Variants in WWOX observed in about 807,000 individuals in gnomAD.
WWOX encodes the protein WW domain containing oxidoreductase.
A neutral mutation model predicts 46.2 loss-of-function variants in WWOX; 69 were observed. That is an observed-to-expected ratio of 1.49 (90% CI 1.23 to 1.82). The LOEUF (loss-of-function observed/expected upper bound fraction) is 1.82. WWOX is among the 40% of genes most tolerant of loss of function. WWOX has a pLI of 0.00. For synonymous variants in WWOX, 359 were observed against 202.6 expected (o/e 1.77, Z -6.56); for missense variants, 919 against 542.6 (o/e 1.69, Z -6.89).
chr16:78,766,998 T>G (rs1463429959), intron 8 of WWOX, among the ~76,000 whole-genome samples: 2 of 152,168 alleles, frequency 1.3e-5, no homozygotes, highest in African/African-American at 4.8e-5. Context: ...TCTATGAAAT[T>G]GTTTTCAAGG....
chr16:78,873,405 C>G (rs948890947), intron 8 of WWOX: 1 of 151,910 alleles, frequency 6.6e-6, no homozygotes, highest in East Asian at 1.9e-4. Flanking sequence ...AATAGCAGCA[C>G]AAATATTTAC....
At chr16:78,335,560 T>G (rs1597499271) in intron 5 of WWOX, among the ~76,000 whole-genome samples, 2 of 152,208 alleles carry the variant, frequency 1.3e-5, no homozygotes, top group East Asian at 3.8e-4. Context: ...TCCTTGCTAT[T>G]GTGAAATACC....
chr16:79,159,671 C>A (rs942749182), intron 8 of WWOX, among the ~76,000 whole-genome samples: 1 of 152,164 alleles, frequency 6.6e-6, no homozygotes, highest in South Asian at 2.1e-4. Context: ...TCATATTTAA[C>A]AAGCCACTGA....
intron 8 of WWOX, among the ~76,000 whole-genome samples, chr16:79,098,580 C>G (rs2049124227): frequency 6.6e-6 from 1 of 152,226 alleles, no homozygotes; most frequent in South Asian, 2.1e-4. Flanking sequence ...GTTGAGCAAA[C>G]TTCCCTTGTA....
intron 5 of WWOX, among the ~76,000 whole-genome samples, chr16:78,365,243 T>G (rs4888787): frequency 0.6 from 91,077 of 152,072 alleles, 28,695 homozygotes; most frequent in Non-Finnish European, 0.71. Context: ...CTTCTGACAT[T>G]ATCAGTGTGA....
chr16:78,197,898 C>T (rs967651212), intron 5 of WWOX, among the ~76,000 whole-genome samples: 5 of 152,178 alleles, frequency 3.3e-5, no homozygotes, highest in African/African-American at 1.2e-4. Flanking sequence ...TGGAAACTGA[C>T]TAGGTCACAT....
intron 8 of WWOX, among the ~76,000 whole-genome samples, chr16:78,572,205 G>C (rs947095561): frequency 2.0e-5 from 3 of 152,098 alleles, no homozygotes; most frequent in Admixed American, 1.3e-4. Context: ...GAAATTAATG[G>C]TGGCACATTC....
At chr16:78,781,380 G>A (rs1424044676) in intron 8 of WWOX, among the ~76,000 whole-genome samples, 2 of 152,100 alleles carry the variant, frequency 1.3e-5, no homozygotes, top group Non-Finnish European at 2.9e-5. Flanking sequence ...ATCCACCACT[G>A]GTATTCCGTC....
At chr16:78,386,735 C>A in intron 5 of WWOX, 125 bp from the exon 6 acceptor site, 1 of 741,784 alleles carries the variant, frequency 1.3e-6, no homozygotes, top group Non-Finnish European at 2.2e-6. Flanking sequence ...GATTTATATT[C>A]TCTCTGGGCG....
chr16:78,626,146 T>G (rs2046306179), intron 8 of WWOX, among the ~76,000 whole-genome samples: 1 of 152,098 alleles, frequency 6.6e-6, no homozygotes, highest in Middle Eastern at 3.4e-3. Flanking sequence ...TTTTTTTCTT[T>G]TTGAGATGGA....
At chr16:79,045,442 C>T (rs964252235) in intron 8 of WWOX, among the ~76,000 whole-genome samples, 3 of 152,170 alleles carry the variant, frequency 2.0e-5, no homozygotes, top group African/African-American at 7.2e-5. Flanking sequence ...TGAGAGGATA[C>T]TCTCAGGAAA....
intron 8 of WWOX, among the ~76,000 whole-genome samples, chr16:78,822,439 A>G (rs1406015357): frequency 6.6e-6 from 1 of 152,178 alleles, no homozygotes; most frequent in East Asian, 1.9e-4. Flanking sequence ...GGTTGCAGTC[A>G]GCTGAGACTG....
chr16:78,647,731 G>T (rs927725420), intron 8 of WWOX, among the ~76,000 whole-genome samples: 1 of 152,162 alleles, frequency 6.6e-6, no homozygotes, highest in Non-Finnish European at 1.5e-5. Context: ...GCTGGTAAGT[G>T]GCAGATCCAG....
chr16:78,338,415 G>C lies in WWOX; in HGVS notation c.517-48445G>C, dbSNP rs997144723. Among the ~76,000 whole-genome samples the C allele has an allele frequency of 6.2e-4, 75 of 120,444 alleles. 25 individuals are homozygous for C. The highest frequency in any genetic ancestry group is 1.6e-4 in the Non-Finnish European group (8 of 50,496). The allele number at this position is 120,444 out of a possible 152,430, so 79.0% of individuals were successfully genotyped here. ...CAATATTATCCTTGCAAAATTGTCT[G>C]TTTATTTTTTTTGCCCTTTTGGGGG... On this transcript the variant is annotated intron_variant, in intron 5 of 8. Transcript: ENST00000566780.
At chr16:79,095,547 G>A (rs996512035) in intron 8 of WWOX, among the ~76,000 whole-genome samples, 5 of 152,126 alleles carry the variant, frequency 3.3e-5, no homozygotes, top group African/African-American at 7.2e-5. Context: ...GGTGAGGCGC[G>A]GGGGAGCTGA....
chr16:78,388,350 A>G (rs564753448), intron 6 of WWOX, among the ~76,000 whole-genome samples: 3 of 152,248 alleles, frequency 2.0e-5, no homozygotes, highest in South Asian at 4.1e-4. Context: ...TATTAGATTT[A>G]AAAAGTTTGC....
At chr16:78,845,855 T>C (rs2052285093) in intron 8 of WWOX, among the ~76,000 whole-genome samples, 1 of 152,144 alleles carries the variant, frequency 6.6e-6, no homozygotes, top group Admixed American at 6.5e-5. Flanking sequence ...TGAGAGTGAA[T>C]ATTCTGCACG....
chr16:78,635,464 C>T (rs1408431211), intron 8 of WWOX, among the ~76,000 whole-genome samples: 1 of 152,158 alleles, frequency 6.6e-6, no homozygotes, highest in Non-Finnish European at 1.5e-5. Flanking sequence ...AATTGTGAAA[C>T]ATGCACAATT....
At chr16:79,191,353 G>A (rs1214666471) in intron 8 of WWOX, among the ~76,000 whole-genome samples, 1 of 152,132 alleles carries the variant, frequency 6.6e-6, no homozygotes, top group African/African-American at 2.4e-5. Flanking sequence ...AGCGCGCCCA[G>A]CCCATGACTT....
Sources: gnomAD v4.1 joint callset for allele counts (sites outside exome capture counted in the v4.1 genomes callset) on GRCh38, gnomAD v4.1.1 for gene constraint, MANE v1.5 for transcripts, NCBI Gene and HGNC (gene_info 2026-07-23, HGNC 2026-07-21) for gene names.